The following CACNA1E variants were observed in gnomAD, a reference collection of about 807,000 sequenced individuals.
CACNA1E encodes the protein calcium voltage-gated channel subunit alpha1 E.
A neutral mutation model predicts 259.2 loss-of-function variants in CACNA1E; 40 were observed. That is an observed-to-expected ratio of 0.15 (90% confidence interval 0.12 to 0.20). The LOEUF (loss-of-function observed/expected upper bound fraction) is 0.20. CACNA1E is among the 10% of genes least tolerant of loss of function. The pLI is 1.00. For missense variants in CACNA1E, 1,874 were observed against 3,040.1 expected (o/e 0.62, Z 9.02); for synonymous variants, 1,104 against 1,138.5 (o/e 0.97, Z 0.61).
chr1:181,650,242 A>G lies in CACNA1E; in HGVS notation c.952-1096A>G, dbSNP rs549590365. Among the ~76,000 whole-genome samples, 4 of 152,342 alleles carry G rather than the reference A, an allele frequency of 2.6e-5. No individual in the cohort carries two copies. In the South Asian group the frequency reaches 6.2e-4, roughly 24 times the overall value. Reference sequence around the variant, plus strand: ...AAGGTAAATTGGAGGGACAAGAAATACTTTGCTATAGAAATTCTGAGTTCT... The same window carrying G: ...AAGGTAAATTGGAGGGACAAGAAATGCTTTGCTATAGAAATTCTGAGTTCT... On this transcript the variant is annotated intron_variant, in intron 6 of 47. Transcript: ENST00000367573.
chr1:181,784,813 T>C lies in CACNA1E; in HGVS notation c.5578+45T>C, dbSNP rs372633687. 1.8e-5 allele frequency: 21 copies of C among 1,179,374 alleles called. No individual in the cohort carries two copies. The African/African-American group carries it at 3.2e-4, about 18-fold the overall frequency. The allele number at this position is 1,179,374 out of a possible 1,614,324, so 73.1% of individuals were successfully genotyped here. On this transcript the variant is annotated intron_variant, in intron 41 of 47. Coordinates refer to ENST00000367573, the MANE Select transcript of CACNA1E (RefSeq NM_001205293.3). ...TATCCTTGTCACTGTGGGCCCAGCATGTGAAGACTACGTCTTTGGGGGGAA... is the reference window on the plus strand; with the variant it reads ...TATCCTTGTCACTGTGGGCCCAGCACGTGAAGACTACGTCTTTGGGGGGAA...
intron 1 of CACNA1E, among the ~76,000 whole-genome samples, chr1:181,337,783 A>G (rs188926219): frequency 6.6e-6 from 1 of 152,306 alleles, no homozygotes; most frequent in Admixed American, 6.5e-5. Context: ...AGTTGTTTCC[A>G]TTGTCTTAAC....
chr1:181,597,312 AT>A (rs1173073111), intron 6 of CACNA1E, among the ~76,000 whole-genome samples: 3 of 152,090 alleles, frequency 2.0e-5, no homozygotes, highest in Non-Finnish European at 4.4e-5. Context: ...CTCCCTTATT[AT>A]TGTCAAAGTC....
chr1:181,441,025 C>A (rs1660438505), intron 2 of CACNA1E, among the ~76,000 whole-genome samples: 1 of 138,766 alleles, frequency 7.2e-6, no homozygotes, highest in Admixed American at 7.2e-5. Context: ...AAAAAGCGCC[C>A]AGCTCTTCCC....
chr1:181,434,383 A>G (rs1659930174), intron 2 of CACNA1E, among the ~76,000 whole-genome samples: 1 of 135,112 alleles, frequency 7.4e-6, no homozygotes, highest in African/African-American at 3.0e-5. Context: ...TTGAGTACTT[A>G]CTACTGGCCA....
intron 3 of CACNA1E, among the ~76,000 whole-genome samples, chr1:181,566,858 G>A (rs1288240569): frequency 1.3e-5 from 2 of 152,094 alleles, no homozygotes; most frequent in African/African-American, 4.8e-5. Context: ...TTGCTTCCCA[G>A]AGGACATTTG....
intron 7 of CACNA1E, among the ~76,000 whole-genome samples, chr1:181,688,881 A>C (rs1186950127): frequency 6.6e-6 from 1 of 152,146 alleles, no homozygotes; most frequent in Non-Finnish European, 1.5e-5. Context: ...TTTAGATTCC[A>C]CATATAAATG....
intron 1 of CACNA1E, among the ~76,000 whole-genome samples, chr1:181,345,243 C>A (rs1356037618): frequency 6.6e-6 from 1 of 152,252 alleles, no homozygotes; most frequent in Non-Finnish European, 1.5e-5. Context: ...CTGATTGATG[C>A]TGATTGCATT....
intron 1 of CACNA1E, among the ~76,000 whole-genome samples, chr1:181,331,650 C>A (rs190914144): frequency 6.6e-6 from 1 of 152,344 alleles, no homozygotes; most frequent in African/African-American, 2.4e-5. Context: ...TAATGCTTTA[C>A]CAGTTCTCTA....
In CACNA1E at chr1:181,507,573, G is replaced by A. The variant is rs10910943; in HGVS notation, c.267-2904G>A. Among the ~76,000 whole-genome samples, 960 of 152,262 alleles carry A rather than the reference G, an allele frequency of 6.3e-3. 21 individuals carry two copies. In the East Asian group the frequency reaches 0.069, roughly 11 times the overall value. On this transcript the variant is annotated intron_variant, in intron 1 of 47. Coordinates refer to ENST00000367573, the MANE Select transcript of CACNA1E (RefSeq NM_001205293.3). ...TCAGGGGCAGTGGAGGAGCTGCCAT[G>A]GTCCAAGTGGGTATTGTGAGTGGGG... is the stretch of plus-strand genomic sequence containing the variant.
intron 1 of CACNA1E, among the ~76,000 whole-genome samples, chr1:181,350,185 G>A (rs1259800479): frequency 6.6e-6 from 1 of 152,160 alleles, no homozygotes; most frequent in African/African-American, 2.4e-5. Context: ...CTTCCCTAAG[G>A]CCCCGTTCTC....
chr1:181,703,773 CCT>C (rs1652513875), intron 7 of CACNA1E, among the ~76,000 whole-genome samples: 1 of 150,318 alleles, frequency 6.7e-6, no homozygotes, highest in African/African-American at 2.4e-5. Context: ...AGTCATCTGA[CCT>C]CTCTCTATGC....
At chr1:181,633,824 G>T (rs778774305) in intron 6 of CACNA1E, among the ~76,000 whole-genome samples, 1 of 152,148 alleles carries the variant, frequency 6.6e-6, no homozygotes, top group African/African-American at 2.4e-5. Context: ...TTTTCAAAGC[G>T]CTATCCCATG....
At chr1:181,774,574 CTG>C (rs983339327) in intron 37 of CACNA1E, among the ~76,000 whole-genome samples, 6 of 152,244 alleles carry the variant, frequency 3.9e-5, no homozygotes, top group African/African-American at 1.4e-4. Flanking sequence ...TCCATCACCT[CTG>C]TGGTGTGTCC....
At chr1:181,594,642 C>T (rs1296641436) in intron 6 of CACNA1E, among the ~76,000 whole-genome samples, 1 of 152,232 alleles carries the variant, frequency 6.6e-6, no homozygotes, top group African/African-American at 2.4e-5. Flanking sequence ...AAGTGATCCA[C>T]CTGCCATGGC....
chr1:181,362,850 T>A (rs535119974), intron 1 of CACNA1E, among the ~76,000 whole-genome samples: 40 of 152,362 alleles, frequency 2.6e-4, no homozygotes, highest in African/African-American at 9.4e-4. Context: ...TTTTACAGAC[T>A]TGTTTGCAGT....
chr1:181,683,247 A>G (rs542562317), intron 7 of CACNA1E, among the ~76,000 whole-genome samples: 4 of 152,350 alleles, frequency 2.6e-5, no homozygotes, highest in Non-Finnish European at 4.4e-5. Context: ...TCTTGTCTGA[A>G]TTATTGGAAA....
At chr1:181,641,223 G>A (rs868861582) in intron 6 of CACNA1E, among the ~76,000 whole-genome samples, 11 of 152,322 alleles carry the variant, frequency 7.2e-5, no homozygotes, top group Non-Finnish European at 1.6e-4. Context: ...GACATGTTTA[G>A]GGGAAACCTT....
chr1:181,591,970 A>G (rs1652692990), intron 6 of CACNA1E, among the ~76,000 whole-genome samples: 1 of 152,204 alleles, frequency 6.6e-6, no homozygotes, highest in African/African-American at 2.4e-5. Context: ...CTCCTCTCAG[A>G]CTGGTCCTTC....
Sources: gnomAD v4.1 joint callset for allele counts (sites outside exome capture counted in the v4.1 genomes callset) on GRCh38, gnomAD v4.1.1 for gene constraint, MANE v1.5 for transcripts, NCBI Gene and HGNC (gene_info 2026-07-23, HGNC 2026-07-21) for gene names.